Variants in CSMD2 observed in about 807,000 individuals in gnomAD.
The protein encoded by CSMD2 is CUB and Sushi multiple domains 2.
In CSMD2, 130 loss-of-function variants were observed where a neutral mutation model predicts 398.5. The ratio of observed to expected loss-of-function variants is 0.33; its 90% CI spans 0.28 to 0.38. The LOEUF (loss-of-function observed/expected upper bound fraction) is 0.38. CSMD2 is among the 10% of genes least tolerant of loss of function. The pLI is 1.00. For synonymous variants in CSMD2, 1,828 were observed against 1,908.5 expected (o/e 0.96, Z 1.10); for missense variants, 3,829 against 4,764.9 (o/e 0.80, Z 5.78).
intron 3 of CSMD2, among the ~76,000 whole-genome samples, chr1:33,961,809 T>C (rs1232089415): frequency 6.6e-6 from 1 of 152,180 alleles, no homozygotes; most frequent in Non-Finnish European, 1.5e-5. Flanking sequence ...CCCATGACTG[T>C]AAGCTTCCTG....
intron 47 of CSMD2, among the ~76,000 whole-genome samples, chr1:33,582,232 C>A (rs1201808760): frequency 3.9e-5 from 6 of 152,076 alleles, no homozygotes; most frequent in Non-Finnish European, 8.8e-5. Context: ...GCAAAGTTGG[C>A]ATAATTACTA....
chr1:33,978,753 G>C (rs914749500), intron 3 of CSMD2, among the ~76,000 whole-genome samples: 1 of 152,168 alleles, frequency 6.6e-6, no homozygotes, highest in Non-Finnish European at 1.5e-5. Flanking sequence ...AGACCCTTCT[G>C]TCTCTCCTGA....
intron 3 of CSMD2, among the ~76,000 whole-genome samples, chr1:34,006,881 A>T (rs1286986998): frequency 6.6e-6 from 1 of 152,056 alleles, no homozygotes; most frequent in Non-Finnish European, 1.5e-5. Context: ...CTGGTGAGGA[A>T]GGTGAGTGTC....
chr1:33,610,858 A>T (rs1640949877), intron 41 of CSMD2, among the ~76,000 whole-genome samples, 183 bp downstream of exon 41: 1 of 152,062 alleles, frequency 6.6e-6, no homozygotes, highest in East Asian at 1.9e-4. Context: ...GGGAGAACTT[A>T]AGCTGACAAA....
At chr1:33,943,635 T>G (rs1253559585) in intron 3 of CSMD2, among the ~76,000 whole-genome samples, 1 of 152,174 alleles carries the variant, frequency 6.6e-6, no homozygotes, top group Non-Finnish European at 1.5e-5. Context: ...GGGGTTTCCT[T>G]GCGCTTCAAT....
chr1:33,540,742 G>A (rs762403357), intron 59 of CSMD2, 44 bp from the exon 60 acceptor site: 2 of 1,606,972 alleles, frequency 1.2e-6, no homozygotes, highest in South Asian at 2.2e-5. Context: ...GCTGTCCTGG[G>A]AAACCAGCCC....
rs193117962 is a variant in CSMD2, at chr1:33,630,851, T to G, written c.5200+2571A>C. Among the ~76,000 whole-genome samples the G allele has an allele frequency of 2.6e-5, 4 of 152,224 alleles. No individual in the cohort carries two copies. The East Asian group carries it at 7.7e-4, about 29-fold the overall frequency. On this transcript the variant is annotated intron_variant, in intron 32 of 70. Coordinates refer to ENST00000373381, the MANE Select transcript of CSMD2 (RefSeq NM_001281956.2). ...AGTAAACAACACCATGATGAGCTATTTAAAAAGTAATGATGATGAACATAG... is the reference window on the plus strand; with the variant it reads ...AGTAAACAACACCATGATGAGCTATGTAAAAAGTAATGATGATGAACATAG...
intron 6 of CSMD2, chr1:33,839,844 C>T (rs1415105213): frequency 6.5e-6 from 1 of 153,682 alleles, no homozygotes; most frequent in African/African-American, 2.4e-5. Flanking sequence ...AAAGAACACT[C>T]AAAATTCTGG....
intron 10 of CSMD2, chr1:33,804,951 T>C: frequency 1.4e-6 from 1 of 713,352 alleles, no homozygotes; most frequent in East Asian, 2.7e-5. Flanking sequence ...CAGCACTACC[T>C]GAAGCCCACC....
At chr1:34,032,117 C>CAT (rs1358493399) in intron 3 of CSMD2, among the ~76,000 whole-genome samples, 1 of 152,146 alleles carries the variant, frequency 6.6e-6, no homozygotes, top group African/African-American at 2.4e-5. Flanking sequence ...CCAAAAGCCC[C>CAT]TAATCCATGC....
intron 48 of CSMD2, among the ~76,000 whole-genome samples, chr1:33,578,901 T>C (rs191130790): frequency 3.3e-4 from 51 of 152,334 alleles, no homozygotes; most frequent in East Asian, 1.4e-3. Flanking sequence ...TTTGTTTCCC[T>C]ACTCCTGCTT....
chr1:34,013,775 T>G (rs1570809851), intron 3 of CSMD2, among the ~76,000 whole-genome samples: 1 of 152,136 alleles, frequency 6.6e-6, no homozygotes, highest in Non-Finnish European at 1.5e-5. Context: ...CTCTTTTCTG[T>G]CTCTGCTCCC....
intron 2 of CSMD2, among the ~76,000 whole-genome samples, chr1:34,036,190 G>C (rs934957084): frequency 1.3e-5 from 2 of 151,150 alleles, no homozygotes; most frequent in African/African-American, 2.4e-5. Context: ...ATATCCATTA[G>C]GCCCAAAAAC....
chr1:33,805,139 C>G lies in CSMD2; in HGVS notation c.1446+5604G>C, dbSNP rs139842516. Among the ~76,000 whole-genome samples, 17 of 152,346 alleles carry G rather than the reference C, an allele frequency of 1.1e-4. No homozygotes were observed. The East Asian group carries it at 3.3e-3, about 29-fold the overall frequency. On this transcript the variant is annotated intron_variant, in intron 10 of 70. Coordinates refer to ENST00000373381, the MANE Select transcript of CSMD2 (RefSeq NM_001281956.2). Reference sequence around the variant, plus strand: ...AAGGCTAGGCCTTCTGGGGGTGAATCTAATTGTTTCTTAGAAAATCCTCAG... The same window carrying G: ...AAGGCTAGGCCTTCTGGGGGTGAATGTAATTGTTTCTTAGAAAATCCTCAG...
chr1:34,139,096 T>C (rs527467894), intron 1 of CSMD2, among the ~76,000 whole-genome samples: 18 of 152,324 alleles, frequency 1.2e-4, no homozygotes, highest in African/African-American at 4.3e-4. Context: ...ACCATTTGAA[T>C]GTTTGTCCCA....
At chr1:33,908,217 G>C (rs1643234423) in intron 5 of CSMD2, among the ~76,000 whole-genome samples, 2 of 152,166 alleles carry the variant, frequency 1.3e-5, no homozygotes, top group Admixed American at 1.3e-4. Flanking sequence ...AAACCAACGT[G>C]AAACAACATG....
At chr1:34,140,105 T>G (rs933174778) in intron 1 of CSMD2, among the ~76,000 whole-genome samples, 1 of 151,978 alleles carries the variant, frequency 6.6e-6, no homozygotes, top group Non-Finnish European at 1.5e-5. Context: ...TTGATAATAA[T>G]AAATTAATGG....
At chr1:33,993,844 T>C (rs1646639842) in intron 3 of CSMD2, among the ~76,000 whole-genome samples, 1 of 152,186 alleles carries the variant, frequency 6.6e-6, no homozygotes, top group African/African-American at 2.4e-5. Flanking sequence ...TTTGCTTGTT[T>C]GCAGTGGCCT....
At chr1:33,817,604 G>A (rs113420863) in intron 9 of CSMD2, among the ~76,000 whole-genome samples, 1 of 152,222 alleles carries the variant, frequency 6.6e-6, no homozygotes, top group African/African-American at 2.4e-5. Flanking sequence ...TTGCTCCAGG[G>A]CTTGAGGAAG....
Sources: gnomAD v4.1 joint callset for allele counts (sites outside exome capture counted in the v4.1 genomes callset) on GRCh38, gnomAD v4.1.1 for gene constraint, MANE v1.5 for transcripts, NCBI Gene and HGNC (gene_info 2026-07-23, HGNC 2026-07-21) for gene names.